The following CAMK4 variants were observed in gnomAD, a reference collection of about 807,000 sequenced individuals.
The protein encoded by CAMK4 is calcium/calmodulin dependent protein kinase IV.
In CAMK4, 22 loss-of-function variants were observed where a neutral mutation model predicts 44.9. The observed-to-expected ratio is 0.49, with a 90% CI of 0.35 to 0.70. The LOEUF (loss-of-function observed/expected upper bound fraction) is 0.70, where lower values mean the gene tolerates loss of function less well. Among genes scored for constraint, CAMK4 ranks in the 30% least tolerant of loss-of-function variants. CAMK4 has a pLI of 0.01. For synonymous variants in CAMK4, 218 were observed against 215.4 expected, an observed-to-expected ratio of 1.01 and a Z score of -0.11; for missense variants, 498 against 586.8, an observed-to-expected ratio of 0.85 and a Z score of 1.56.
chr5:111,484,989 A>AG lies in CAMK4; in HGVS notation c.*523_*524insG, dbSNP rs1463096149. On this transcript the variant is annotated 3_prime_UTR_variant, in exon 11 of 11. Coordinates refer to ENST00000282356, the MANE Select transcript of CAMK4 (RefSeq NM_001744.6). This position sits in a 1 kb window ranked among gnomAD's most constrained non-coding sequence, Gnocchi z 5.3. ...TAGTTGTACATATGTGCAAAAAAAA[A>AG]TCCACTTGCAATGGTAAGAAATTGA... The AG allele has an allele frequency of 6.6e-6, 1 of 152,248 alleles. No homozygotes were observed. The highest frequency in any genetic ancestry group is 1.5e-5 in the Non-Finnish European group (1 of 68,048). 9.4% of individuals were successfully genotyped at this position (152,248 alleles called of 1,614,324 possible). A position where few individuals can be genotyped will look rare whatever the true frequency, so the allele number is the denominator to read the frequency against.
At chr5:111,267,652 G>A (rs574243897) in intron 1 of CAMK4, among the ~76,000 whole-genome samples, 1 of 148,842 alleles carries the variant, frequency 6.7e-6, no homozygotes, top group Non-Finnish European at 1.5e-5. Flanking sequence ...TGCAGTGAGC[G>A]GAGATCGTGC....
chr5:111,440,273 G>A (rs1398999542), intron 5 of CAMK4, among the ~76,000 whole-genome samples: 2 of 152,174 alleles, frequency 1.3e-5, no homozygotes, highest in Non-Finnish European at 2.9e-5. Context: ...AGCACTAAGG[G>A]ATGGCTCTGG....
chr5:111,230,817 T>C (rs1748434485), intron 1 of CAMK4, among the ~76,000 whole-genome samples: 1 of 151,966 alleles, frequency 6.6e-6, no homozygotes, highest in African/African-American at 2.4e-5. Flanking sequence ...TTTCCTCTTT[T>C]TTTTTAAAAA....
At chr5:111,433,217 G>A (rs955978648) in intron 5 of CAMK4, among the ~76,000 whole-genome samples, 5 of 152,138 alleles carry the variant, frequency 3.3e-5, no homozygotes, top group Non-Finnish European at 5.9e-5. Context: ...AACATCTAGA[G>A]TCTAAGCCAA....
chr5:111,378,503 G>A (rs1751297989), intron 4 of CAMK4, among the ~76,000 whole-genome samples: 1 of 152,080 alleles, frequency 6.6e-6, no homozygotes, highest in Admixed American at 6.6e-5. Context: ...CTTTAGGTGA[G>A]AAGGAGCAAA....
chr5:111,244,681 C>T (rs1316028828), intron 1 of CAMK4, among the ~76,000 whole-genome samples: 1 of 151,954 alleles, frequency 6.6e-6, no homozygotes, highest in East Asian at 1.9e-4. Flanking sequence ...GCCAACATGG[C>T]GAAACCCCAT....
chr5:111,419,303 T>C (rs1164200881), intron 5 of CAMK4, among the ~76,000 whole-genome samples: 1 of 151,218 alleles, frequency 6.6e-6, no homozygotes, highest in Non-Finnish European at 1.5e-5. Context: ...TGTTTTTTTC[T>C]TGTAAATTTG....
intron 5 of CAMK4, among the ~76,000 whole-genome samples, chr5:111,436,435 C>T (rs1753649671): frequency 2.0e-5 from 3 of 152,196 alleles, no homozygotes; most frequent in Admixed American, 2.0e-4. Flanking sequence ...TACCCAGAGG[C>T]TTTCATCATT....
At chr5:111,438,212 C>T (rs1008342963) in intron 5 of CAMK4, among the ~76,000 whole-genome samples, 3 of 152,054 alleles carry the variant, frequency 2.0e-5, no homozygotes, top group African/African-American at 4.8e-5. Flanking sequence ...GTTAACGTGC[C>T]CACAAGATAT....
At chr5:111,376,307 C>T (rs138256993) in intron 3 of CAMK4, among the ~76,000 whole-genome samples, 1 of 151,724 alleles carries the variant, frequency 6.6e-6, no homozygotes, top group Non-Finnish European at 1.5e-5. Context: ...TGATGAAGAC[C>T]ATGGTATGCT....
intron 1 of CAMK4, among the ~76,000 whole-genome samples, chr5:111,292,427 A>C (rs1336284547): frequency 1.3e-5 from 2 of 152,134 alleles, no homozygotes; most frequent in African/African-American, 2.4e-5. Flanking sequence ...ATGTGCATAT[A>C]TATGTGTATA....
chr5:111,432,381 G>T (rs1165238254), intron 5 of CAMK4, among the ~76,000 whole-genome samples: 1 of 151,934 alleles, frequency 6.6e-6, no homozygotes, highest in African/African-American at 2.4e-5. Context: ...GTTCGGGGAA[G>T]GTAGGGATGG....
At chr5:111,233,190 G>T (rs1381992673) in intron 1 of CAMK4, among the ~76,000 whole-genome samples, 5 of 152,148 alleles carry the variant, frequency 3.3e-5, no homozygotes, top group Non-Finnish European at 5.9e-5. Flanking sequence ...CTCCTCCCCA[G>T]TTGCATGAGA....
chr5:111,239,308 T>C (rs1748885187), intron 1 of CAMK4, among the ~76,000 whole-genome samples: 1 of 152,206 alleles, frequency 6.6e-6, no homozygotes. Context: ...CTTGGTTTTA[T>C]TGGATTTTTT....
chr5:111,251,032 C>G (rs564996755), intron 1 of CAMK4, among the ~76,000 whole-genome samples: 1 of 152,284 alleles, frequency 6.6e-6, no homozygotes, highest in African/African-American at 2.4e-5. Context: ...TTTGTAAATC[C>G]TTGGACATTC....
chr5:111,308,583 A>G (rs984115769), intron 1 of CAMK4, among the ~76,000 whole-genome samples: 1 of 152,372 alleles, frequency 6.6e-6, no homozygotes, highest in African/African-American at 2.4e-5. Flanking sequence ...GATCAATCCA[A>G]AATGACAGCT....
At chr5:111,481,669 A>G (rs1003434349) in intron 9 of CAMK4, among the ~76,000 whole-genome samples, 2 of 152,186 alleles carry the variant, frequency 1.3e-5, no homozygotes, top group African/African-American at 4.8e-5. Flanking sequence ...CCTTGGAGAC[A>G]TCATGCTGTA....
At chr5:111,309,256 A>G (rs1296855598) in intron 1 of CAMK4, among the ~76,000 whole-genome samples, 2 of 152,208 alleles carry the variant, frequency 1.3e-5, no homozygotes, top group Non-Finnish European at 2.9e-5. Flanking sequence ...GAAGGGACTT[A>G]TCAATTCTGC....
chr5:111,435,918 T>A (rs1253566835), intron 5 of CAMK4, among the ~76,000 whole-genome samples: 1 of 152,216 alleles, frequency 6.6e-6, no homozygotes, highest in Non-Finnish European at 1.5e-5. Flanking sequence ...TGTTCTAACC[T>A]TATATACAAA....
Sources: allele counts gnomAD v4.1 joint callset (sites outside exome capture counted in the v4.1 genomes callset), GRCh38; gene constraint gnomAD v4.1.1; non-coding constraint Gnocchi (gnomAD v3.1); transcripts MANE v1.5; gene names NCBI Gene and HGNC (gene_info 2026-07-23, HGNC 2026-07-21).